Variants in PLXDC2 observed in about 807,000 individuals in gnomAD.
PLXDC2 encodes plexin domain containing 2.
Under a neutral mutation model 68.9 loss-of-function variants are expected in PLXDC2, and 40 were observed. That is an observed-to-expected ratio of 0.58 (90% CI 0.45 to 0.76). PLXDC2 has a LOEUF of 0.76. Ranked by LOEUF, PLXDC2 falls within the 30% of genes least tolerant of loss-of-function variation. The probability of loss-of-function intolerance (pLI) is 0.00; values close to 1 mark genes in which losing one functional copy is unlikely to be tolerated. For missense variants in PLXDC2, 644 were observed against 661.9 expected (o/e 0.97, Z 0.30); for synonymous variants, 243 against 234.2 (o/e 1.04, Z -0.34).
At chr10:19,935,300 G>C (rs1018634675) in intron 1 of PLXDC2, among the ~76,000 whole-genome samples, 1 of 152,202 alleles carries the variant, frequency 6.6e-6, no homozygotes, top group African/African-American at 2.4e-5. Flanking sequence ...TGCAAGAGAG[G>C]CACAGCCAGG....
chr10:20,136,007 C>G (rs145860918), intron 4 of PLXDC2, among the ~76,000 whole-genome samples: 32 of 152,202 alleles, frequency 2.1e-4, no homozygotes, highest in African/African-American at 7.5e-4. Context: ...TATATTTTAA[C>G]TTGATAGCTG....
At chr10:19,919,193 C>G (rs1274264548) in intron 1 of PLXDC2, among the ~76,000 whole-genome samples, 1 of 152,166 alleles carries the variant, frequency 6.6e-6, no homozygotes, top group African/African-American at 2.4e-5. Context: ...TCTTTGAAAA[C>G]TGCTTTTCAA....
chr10:20,242,981 G>C (rs1835537614), intron 12 of PLXDC2, among the ~76,000 whole-genome samples: 1 of 152,068 alleles, frequency 6.6e-6, no homozygotes, highest in African/African-American at 2.4e-5. Context: ...CAACGTGCTG[G>C]GATTACGGGC....
chr10:20,201,180 C>G (rs1210090198), intron 9 of PLXDC2, among the ~76,000 whole-genome samples: 1 of 151,986 alleles, frequency 6.6e-6, no homozygotes, highest in African/African-American at 2.4e-5. Flanking sequence ...TATATATACA[C>G]AATAGAATAC....
chr10:20,041,018 C>A (rs915832950), intron 2 of PLXDC2, among the ~76,000 whole-genome samples: 9 of 152,040 alleles, frequency 5.9e-5, no homozygotes, highest in African/African-American at 2.2e-4. Flanking sequence ...TGATTTATAA[C>A]CATAATAATG....
intron 1 of PLXDC2, among the ~76,000 whole-genome samples, chr10:19,973,092 T>C (rs1008748200): frequency 6.6e-6 from 1 of 151,564 alleles, no homozygotes; most frequent in Non-Finnish European, 1.5e-5. Flanking sequence ...TTAAAAAGAG[T>C]TTTTGGCTTT....
intron 13 of PLXDC2, among the ~76,000 whole-genome samples, chr10:20,270,606 A>G (rs1170917111): frequency 6.6e-6 from 1 of 151,712 alleles, no homozygotes; most frequent in East Asian, 1.9e-4. Context: ...GTGCAATGGC[A>G]TGGTCTTGGC....
At chr10:20,276,846 C>T (rs1588557507) in intron 13 of PLXDC2, among the ~76,000 whole-genome samples, 1 of 152,148 alleles carries the variant, frequency 6.6e-6, no homozygotes. Flanking sequence ...TTTTCAGATC[C>T]TTCCATCCAA....
intron 1 of PLXDC2, among the ~76,000 whole-genome samples, chr10:19,877,297 C>G (rs1195461726): frequency 1.3e-5 from 2 of 151,984 alleles, no homozygotes; most frequent in Admixed American, 1.3e-4. Context: ...CAAACTGGGA[C>G]TTGACAAAGT....
chr10:20,145,954 TA>T (rs1834071637), intron 5 of PLXDC2, among the ~76,000 whole-genome samples: 2 of 152,186 alleles, frequency 1.3e-5, no homozygotes, highest in Non-Finnish European at 2.9e-5. Flanking sequence ...CTTATTTTCA[TA>T]AATAATCAAG....
At chr10:20,023,068 T>C (rs1835339617) in intron 2 of PLXDC2, among the ~76,000 whole-genome samples, 1 of 148,766 alleles carries the variant, frequency 6.7e-6, no homozygotes, top group African/African-American at 2.4e-5. Flanking sequence ...GGAAAAGTAA[T>C]GGCATTTAAA....
intron 1 of PLXDC2, among the ~76,000 whole-genome samples, chr10:19,928,038 T>C (rs1406647862): frequency 1.3e-5 from 2 of 152,192 alleles, no homozygotes; most frequent in Non-Finnish European, 2.9e-5. Flanking sequence ...TATGAGAAGA[T>C]GCAATATTGG....
intron 9 of PLXDC2, among the ~76,000 whole-genome samples, chr10:20,197,991 G>A (rs1021177237): frequency 6.6e-6 from 1 of 152,084 alleles, no homozygotes; most frequent in Non-Finnish European, 1.5e-5. Context: ...CAGAAGTTTT[G>A]TATTCATATT....
intron 1 of PLXDC2, among the ~76,000 whole-genome samples, chr10:19,913,509 T>A (rs1564627120): frequency 6.6e-6 from 1 of 152,220 alleles, no homozygotes; most frequent in Admixed American, 6.5e-5. Context: ...GCATTGCTGA[T>A]TTCAAACTTA....
intron 4 of PLXDC2, among the ~76,000 whole-genome samples, chr10:20,120,008 T>C (rs1405340756): frequency 6.6e-6 from 1 of 152,294 alleles, no homozygotes; most frequent in East Asian, 1.9e-4. Context: ...ATTTATTTAC[T>C]TCAAGAGTTA....
At chr10:20,001,680 G>A in intron 1 of PLXDC2, 95 bp from the exon 2 acceptor site, 1 of 1,079,446 alleles carries the variant, frequency 9.3e-7, no homozygotes, top group Non-Finnish European at 1.4e-6. Flanking sequence ...CTATTCTCGT[G>A]CCTCACAGAA....
chr10:20,055,868 C>T (rs1261685072), intron 3 of PLXDC2, among the ~76,000 whole-genome samples: 5 of 151,982 alleles, frequency 3.3e-5, no homozygotes, highest in African/African-American at 4.8e-5. Flanking sequence ...TCAGAACATT[C>T]GTATAGTTAT....
chr10:19,880,291 AC>A (rs1837704630), intron 1 of PLXDC2, among the ~76,000 whole-genome samples: 1 of 152,240 alleles, frequency 6.6e-6, no homozygotes, highest in South Asian at 2.1e-4. Flanking sequence ...GGGCATATGT[AC>A]CAAGACTCCC....
intron 1 of PLXDC2, among the ~76,000 whole-genome samples, chr10:19,899,338 T>C (rs114960103): frequency 1.1e-3 from 164 of 152,296 alleles, no homozygotes; most frequent in African/African-American, 3.8e-3. Flanking sequence ...TCCGATTTCT[T>C]TCCCAACCAG....
Sources: allele counts gnomAD v4.1 joint callset (sites outside exome capture counted in the v4.1 genomes callset), GRCh38; gene constraint gnomAD v4.1.1; transcripts MANE v1.5; gene names NCBI Gene and HGNC (gene_info 2026-07-23, HGNC 2026-07-21).